The following DHTKD1 variants were observed in gnomAD, a reference collection of about 807,000 sequenced individuals.
The protein encoded by DHTKD1 is dehydrogenase E1 and transketolase domain containing 1, also known as 2-oxoadipate dehydrogenase complex component E1.
DHTKD1 carries 78 observed loss-of-function variants against 101.8 expected under a neutral mutation model. The observed-to-expected ratio is 0.77, with a 90% CI of 0.64 to 0.93. The LOEUF (loss-of-function observed/expected upper bound fraction) is 0.93. Ranked by LOEUF, DHTKD1 falls within the 40% of genes least tolerant of loss-of-function variation. DHTKD1 has a pLI of 0.00. For synonymous variants in DHTKD1, 462 were observed against 450.3 expected, an observed-to-expected ratio of 1.03 and a Z score of -0.33; for missense variants, 1,223 against 1,161.7, an observed-to-expected ratio of 1.05 and a Z score of -0.77.
At chr10:12,105,228 T>A in intron 10 of DHTKD1, among the ~76,000 whole-genome samples, 1 of 152,188 alleles carries the variant, frequency 6.6e-6, no homozygotes, top group Admixed American at 6.6e-5. Context: ...GATGGTTCTT[T>A]TGATTTACCA....
At chr10:12,084,371 G>A (rs1418558941) in intron 2 of DHTKD1, among the ~76,000 whole-genome samples, 169 bp from the exon 3 acceptor site, 1 of 151,066 alleles carries the variant, frequency 6.6e-6, no homozygotes, top group African/African-American at 2.4e-5. Context: ...ATAATCTCTG[G>A]TAAAAATCAT....
intron 12 of DHTKD1, among the ~76,000 whole-genome samples, chr10:12,109,824 A>T (rs1404253724): frequency 6.6e-6 from 1 of 152,038 alleles, no homozygotes; most frequent in Non-Finnish European, 1.5e-5. Flanking sequence ...ATAAATAAAT[A>T]GATGAGGCAT....
intron 13 of DHTKD1, 86 bp downstream of exon 13, chr10:12,113,150 T>TA (rs1462301770): frequency 1.6e-6 from 2 of 1,215,182 alleles, no homozygotes; most frequent in Admixed American, 2.7e-5. Context: ...TAATTATATT[T>TA]AAATTACAGA....
chr10:12,115,791 A>G (rs1355714942), intron 13 of DHTKD1, among the ~76,000 whole-genome samples: 2 of 151,826 alleles, frequency 1.3e-5, no homozygotes, highest in Non-Finnish European at 2.9e-5. Context: ...TGTTATTTTG[A>G]GAGTCTCGCT....
At chr10:12,081,180 A>G (rs527467335) in intron 1 of DHTKD1, among the ~76,000 whole-genome samples, 16 of 150,166 alleles carry the variant, frequency 1.1e-4, no homozygotes, top group African/African-American at 3.9e-4. Flanking sequence ...AGGCTGAGGC[A>G]GGAGAATGGC....
At chr10:12,119,646 T>G in intron 15 of DHTKD1, among the ~76,000 whole-genome samples, 1 of 148,858 alleles carries the variant, frequency 6.7e-6, no homozygotes, top group African/African-American at 2.5e-5. Flanking sequence ...GAAAGAAAAT[T>G]TGGTACATAT....
At chr10:12,081,276 A>C (rs1384363510) in intron 1 of DHTKD1, among the ~76,000 whole-genome samples, 196 bp from the exon 2 acceptor site, 1 of 148,102 alleles carries the variant, frequency 6.8e-6, no homozygotes, top group Non-Finnish European at 1.5e-5. Context: ...TCCATCTCAA[A>C]AAAAAAAAAA....
chr10:12,071,500 G>A (rs1003680907), intron 1 of DHTKD1, among the ~76,000 whole-genome samples: 13 of 152,146 alleles, frequency 8.5e-5, no homozygotes, highest in Non-Finnish European at 1.8e-4. Context: ...GGCCGGGCGC[G>A]GTGGCTCATG....
chr10:12,091,212 A>G (rs1382180687), intron 5 of DHTKD1, among the ~76,000 whole-genome samples: 1 of 151,758 alleles, frequency 6.6e-6, no homozygotes, highest in East Asian at 1.9e-4. Flanking sequence ...GAAGTTTGAG[A>G]CCAGCCTGAC....
intron 13 of DHTKD1, among the ~76,000 whole-genome samples, chr10:12,115,928 ATTTTTTT>A (rs762994821): frequency 1.5e-5 from 2 of 133,182 alleles, no homozygotes; most frequent in African/African-American, 2.8e-5. Flanking sequence ...ACACCCAGCA[ATTTTTTT>A]TTTTTTTTTT....
chr10:12,101,681 G>A (rs998067503), intron 10 of DHTKD1, among the ~76,000 whole-genome samples: 1 of 152,028 alleles, frequency 6.6e-6, no homozygotes, highest in African/African-American at 2.4e-5. Flanking sequence ...TTGGCTCACT[G>A]CAACCTCCAC....
Position 12,081,470 on chromosome 10 carries a change from A to G in DHTKD1, c.155-2A>G, listed in dbSNP as rs1414351275. 1.2e-6 allele frequency: 2 copies of G among 1,613,740 alleles called. No homozygotes were observed. Among genetic ancestry groups the G allele is most frequent in the East Asian group, 4.5e-5 (2 of 44,876 alleles). On this transcript the variant is annotated splice_acceptor_variant, in intron 1 of 16. Transcript: ENST00000263035. LOFTEE classifies it high-confidence loss of function. ...GCATTTTTAAATTTTCCCCTGATTT[A>G]GTTGATCATGGCCTTGCCAGGTTGG...
chr10:12,085,571 T>G (rs1832884765), intron 3 of DHTKD1, among the ~76,000 whole-genome samples: 1 of 152,146 alleles, frequency 6.6e-6, no homozygotes, highest in African/African-American at 2.4e-5. Flanking sequence ...AGACCTTACT[T>G]AAGACTTACT....
chr10:12,099,131 C>G (rs1165275121), intron 8 of DHTKD1, among the ~76,000 whole-genome samples: 1 of 151,736 alleles, frequency 6.6e-6, no homozygotes, highest in Admixed American at 6.6e-5. Context: ...GATTGCACCA[C>G]TGTACTCCAG....
rs1833197018 is a variant in DHTKD1 at position 12,103,179 on chromosome 10, C to T, written c.1896+1998C>T. ...CAGAGGTAGTGAGCGGAGATCATAC[C>T]ACTGCCCTCCAGTTTGGGCAACAGA... On this transcript the variant is annotated intron_variant, in intron 10 of 16. Transcript: ENST00000263035. This position sits in a 1 kb window ranked among gnomAD's most constrained non-coding sequence, Gnocchi z 4.8. Among the ~76,000 whole-genome samples the T allele has an allele frequency of 6.6e-6, 1 of 152,092 alleles. No individual in the cohort carries two copies. Among genetic ancestry groups the T allele is most frequent in the Non-Finnish European group, 1.5e-5 (1 of 68,030 alleles).
intron 12 of DHTKD1, among the ~76,000 whole-genome samples, chr10:12,112,500 G>GCACACACACACA (rs141598482): frequency 2.0e-5 from 3 of 151,142 alleles, no homozygotes; most frequent in African/African-American, 7.3e-5. Context: ...AAGCACGCGT[G>GCACACACACACA]CACACACACA....
At chr10:12,083,635 G>C (rs891510172) in intron 2 of DHTKD1, among the ~76,000 whole-genome samples, 3 of 151,864 alleles carry the variant, frequency 2.0e-5, no homozygotes, top group Non-Finnish European at 4.4e-5. Flanking sequence ...TCGGGAGGCT[G>C]AGGCAGGAGA....
chr10:12,069,518 C>CTTTTTTTTTT (rs10691718), intron 1 of DHTKD1, among the ~76,000 whole-genome samples: 4 of 81,552 alleles, frequency 4.9e-5, no homozygotes, highest in Non-Finnish European at 8.7e-5. Flanking sequence ...TTTTTGTTTC[C>CTTTTTTTTTT]TTTTTTTTTT....
chr10:12,109,391 A>C (rs547896462), intron 12 of DHTKD1, among the ~76,000 whole-genome samples: 1 of 151,786 alleles, frequency 6.6e-6, no homozygotes, highest in South Asian at 2.1e-4. Flanking sequence ...TGACATGTGA[A>C]ATGCAAAACT....
Sources: gnomAD v4.1 joint callset for allele counts (sites outside exome capture counted in the v4.1 genomes callset) on GRCh38, gnomAD v4.1.1 for gene constraint, Gnocchi (gnomAD v3.1) non-coding constraint, MANE v1.5 for transcripts, NCBI Gene and HGNC (gene_info 2026-07-23, HGNC 2026-07-21) for gene names.